POLRMT: variants seen among roughly 807,000 people sequenced by gnomAD.
POLRMT encodes RNA polymerase mitochondrial.
Under a neutral mutation model 132.2 loss-of-function variants are expected in POLRMT, and 114 were observed. The observed-to-expected ratio is 0.86, with a 90% confidence interval of 0.74 to 1.01. POLRMT has a LOEUF of 1.01. POLRMT is among the 50% of genes least tolerant of loss of function. The pLI, the probability that POLRMT is intolerant of heterozygous loss-of-function variation, is 0.00. For missense variants in POLRMT, 2,003 were observed against 1,729.1 expected, an observed-to-expected ratio of 1.16 and a Z score of -2.81; for synonymous variants, 1,020 against 773.4, an observed-to-expected ratio of 1.32 and a Z score of -5.29.
chr19:622,085 C>T (rs1049328835), intron 9 of POLRMT, 64 bp downstream of exon 9: 11 of 1,429,070 alleles, frequency 7.7e-6, no homozygotes, highest in Non-Finnish European at 1.0e-5. Context: ...AAGGCGCCAA[C>T]CCCATGGGGT....
At chr19:631,761 G>C (rs1985436348) in intron 2 of POLRMT, among the ~76,000 whole-genome samples, 1 of 152,146 alleles carries the variant, frequency 6.6e-6, no homozygotes, top group Non-Finnish European at 1.5e-5. Flanking sequence ...TTTTGTTTTT[G>C]AGATGGAATT....
chr19:621,447 C>G lies in POLRMT; in HGVS notation c.2251G>C (p.Ala751Pro), dbSNP rs774082417. The G allele has an allele frequency of 6.4e-6, 9 of 1,395,914 alleles. No homozygotes were observed. In the African/African-American group the frequency reaches 1.2e-4, roughly 19 times the overall value. 86.5% of individuals were successfully genotyped at this position (1,395,914 alleles called of 1,614,324 possible). A position where few individuals can be genotyped will look rare whatever the true frequency, so the allele number is the denominator to read the frequency against. ...CGCAGCTCGGCCTTGCGGGCGGGCG[C>G]GGCGCTGTGCGGCAGGTGGGCCTCG... The part of the protein sequence containing the change: ...PPEAHLPHSA[A>P]PARKAELRRE... Residue 751 changes from alanine (A) to proline (P), a missense_variant, in exon 10 of 21, where the codon GCG (alanine) becomes CCG (proline). Ala to Pro is a conservative substitution (Grantham distance 27). Coordinates refer to ENST00000588649, the MANE Select transcript of POLRMT (RefSeq NM_005035.4).
rs1555674542 is a variant in POLRMT at position 619,552 on chromosome 19, C to T, written c.3066+34G>A. ...GTCTGAGTTTTAAATGGCAGTGAAA[C>T]CAACGTGTTCGCAGCGCGACATGCC... On this transcript the variant is annotated intron_variant, in intron 13 of 20. Coordinates refer to ENST00000588649, the MANE Select transcript of POLRMT (RefSeq NM_005035.4). The T allele has an allele frequency of 3.1e-6, 5 of 1,609,716 alleles. No homozygotes were observed. The South Asian group carries it at 5.5e-5, about 18-fold the overall frequency.
At chr19:630,741 G>A (rs73503951) in intron 2 of POLRMT, among the ~76,000 whole-genome samples, 203 of 152,300 alleles carry the variant, frequency 1.3e-3, no homozygotes, top group African/African-American at 4.8e-3. Flanking sequence ...TGTCTACACC[G>A]GTGGACGCTG....
chr19:629,805 G>C lies in POLRMT; in HGVS notation c.557C>G (p.Pro186Arg). 6.3e-7 allele frequency: 1 copy of C among 1,584,428 alleles called. No homozygotes were observed. Among genetic ancestry groups the C allele is most frequent in the Non-Finnish European group, 8.6e-7 (1 of 1,166,314 alleles). The change falls in exon 3 of 21, where the codon CCC becomes CGC. Residue 186 changes from proline (P) to arginine (R), a missense_variant. Transcript: ENST00000588649. ...CAGCCGGGCCAGCTGCTCCTCCCAG[G>C]GGCTCTCGGGGGCCTGGCGCGTGCA... ...EDCTRQAPES[P>R]WEEQLARLLQ...
In POLRMT at chr19:633,504, T is replaced by C. The variant is rs1985582084; in HGVS notation, c.9A>G (p.Ala3=). 3 of 1,143,832 alleles carry C rather than the reference T, an allele frequency of 2.6e-6. No homozygotes were observed. Among genetic ancestry groups the C allele is most frequent in the Non-Finnish European group, 3.7e-6 (3 of 817,614 alleles). The allele number at this position is 1,143,832 out of a possible 1,614,324, so 70.9% of individuals were successfully genotyped here. Residue 3 remains alanine, a synonymous_variant, in exon 1 of 21, where the codon GCA becomes GCG. Transcript: ENST00000588649. ...CCGCCGCTCCGCGGCCCCAGCAAAG[T>C]GCCGACATTACGCACGCCGCTCCAG... MS[A]LCWGRGAAGL... is the part of the protein sequence containing the mutation.
chr19:620,876 G>T (rs1227560711), intron 10 of POLRMT, among the ~76,000 whole-genome samples, 182 bp downstream of exon 10: 1 of 78,008 alleles, frequency 1.3e-5, no homozygotes. Flanking sequence ...GAGCGGGCGG[G>T]GGACGTGGGG....
At chr19:620,598 A>G (rs1368518758) in intron 10 of POLRMT, 111 bp from the exon 11 acceptor site, 84 of 1,302,652 alleles carry the variant, frequency 6.4e-5, no homozygotes, top group Non-Finnish European at 7.9e-5. Context: ...CACCCGTGAT[A>G]GTGAACACGG....
chr19:624,759 G>A lies in POLRMT; in HGVS notation c.1100C>T (p.Pro367Leu), dbSNP rs374260495. 1.4e-4 allele frequency: 218 copies of A among 1,613,654 alleles called. No homozygotes were observed. Among genetic ancestry groups the A allele is most frequent in the Non-Finnish European group, 1.7e-4 (201 of 1,179,976 alleles). ...CCTGAGCAGCTTGGAGGTGTTGACC[G>A]GGGGCGGCAGCTGCGGCGGGAGGCT... Reference protein sequence around the residue: ...TFSLPPQLPPPVNTSKLLRDV... With the variant: ...TFSLPPQLPPLVNTSKLLRDV... The change falls in exon 5 of 21, where the codon CCG becomes CTG. Residue 367 changes from proline to leucine, a missense_variant. Pro to Leu is a moderately conservative substitution (Grantham distance 98). Transcript: ENST00000588649.
chr19:619,324 T>C lies in POLRMT; in HGVS notation c.3067-28A>G, dbSNP rs760276057. ...GCAGAGGGCGGGCAGCAGGTGCAGG[T>C]CCTCAGGGGCTGGCCCGTTCACGCC... On this transcript the variant is annotated intron_variant, in intron 13 of 20. Transcript: ENST00000588649. 8 of 1,600,294 alleles carry C rather than the reference T, an allele frequency of 5.0e-6. No individual in the cohort carries two copies. The Admixed American group carries it at 5.0e-5, about 10-fold the overall frequency.
chr19:633,355 G>A (rs1985568164), intron 1 of POLRMT, 70 bp downstream of exon 1: 1 of 1,393,078 alleles, frequency 7.2e-7, no homozygotes, highest in East Asian at 3.0e-5. Flanking sequence ...AAGCGCCAAA[G>A]GCCCCGGCCG....
intron 2 of POLRMT, among the ~76,000 whole-genome samples, chr19:630,777 G>A (rs1451251099): frequency 3.3e-5 from 5 of 152,328 alleles, no homozygotes; most frequent in East Asian, 1.9e-4. Flanking sequence ...GGGAAAACGC[G>A]GCTCCTGCTC....
Position 633,529 on chromosome 19 carries a change from G to GGCGCCGCCGCCGCCGCCGCCGCA in POLRMT, c.-18_-17insTGCGGCGGCGGCGGCGGCGGCGC. The GGCGCCGCCGCCGCCGCCGCCGCA allele has an allele frequency of 6.8e-7, 1 of 1,463,692 alleles. No homozygotes were observed. Among genetic ancestry groups the GGCGCCGCCGCCGCCGCCGCCGCA allele is most frequent in the East Asian group, 2.8e-5 (1 of 35,476 alleles). The allele number at this position is 1,463,692 out of a possible 1,614,324, so 90.7% of individuals were successfully genotyped here. On this transcript the variant is annotated 5_prime_UTR_variant, in exon 1 of 21. Transcript: ENST00000588649. The stretch of plus-strand genomic sequence containing the variant: ...TGCCGACATTACGCACGCCGCTCCA[G>GGCGCCGCCGCCGCCGCCGCCGCA]GCCACCCCACCGGCCCGCGCCTGCG...
At position 621,853 on chromosome 19, in the gene POLRMT, T is replaced by C. The variant is rs374449893; in HGVS notation, c.1852-7A>G. The C allele has an allele frequency of 1.9e-5, 31 of 1,601,046 alleles. No homozygotes were observed. The highest frequency in any genetic ancestry group is 2.3e-5 in the Non-Finnish European group (27 of 1,179,660). On this transcript the variant is annotated splice_polypyrimidine_tract_variant and splice_region_variant and intron_variant, in intron 9 of 20. Coordinates refer to ENST00000588649, the MANE Select transcript of POLRMT (RefSeq NM_005035.4). ...GCGGCTTCAGGATGCCGATCTGGGG[T>C]GCGACAGGCAGACGGGTCAGGGCCC...
intron 4 of POLRMT, 85 bp downstream of exon 4, chr19:625,039 C>T: frequency 6.6e-7 from 1 of 1,526,410 alleles, no homozygotes. Flanking sequence ...TGGGGGTCCC[C>T]AGCCCCCAGC....
rs1451444720 is a variant in POLRMT, at chr19:622,856, G to A, written c.1420C>T (p.Leu474=). 5 of 1,606,246 alleles carry A rather than the reference G, an allele frequency of 3.1e-6. No homozygotes were observed. The highest frequency in any genetic ancestry group is 4.2e-6 in the Non-Finnish European group (5 of 1,176,810). ...RFSLYPFLCL[L]DEREVVRMLL... ...ATCCGCACCACCTCGCGCTCGTCCA[G>A]CAGGCACAGGAAGGGGTAAAGTGAG... The change falls in exon 7 of 21, where the codon CTG becomes TTG. Residue 474 remains leucine (L), a synonymous_variant. Transcript: ENST00000588649.
intron 13 of POLRMT, 66 bp from the exon 14 acceptor site, chr19:619,362 A>G (rs1984311029): frequency 3.9e-6 from 6 of 1,534,186 alleles, no homozygotes; most frequent in South Asian, 2.2e-5. Context: ...ACTCCCCCCT[A>G]TTTCAGAGCC....
At chr19:632,540 G>T (rs1402421199) in intron 2 of POLRMT, among the ~76,000 whole-genome samples, 1 of 142,916 alleles carries the variant, frequency 7.0e-6, no homozygotes, top group African/African-American at 2.5e-5. Context: ...CGGGGCCGGG[G>T]GGGGGGTCTC....
In POLRMT at chr19:617,230, T is replaced by A. The variant is rs573413293; in HGVS notation, c.*44A>T. The A allele has an allele frequency of 6.2e-7, 1 of 1,604,110 alleles. No homozygotes were observed. Among genetic ancestry groups the A allele is most frequent in the Non-Finnish European group, 8.5e-7 (1 of 1,174,334 alleles). On this transcript the variant is annotated 3_prime_UTR_variant, in exon 21 of 21. Transcript: ENST00000588649. ...TCCTGAAGACAGTGGCTCCTGGGGGTGGCAAAAGAGCTTTATTTACACACT... is the reference window on the plus strand; with the variant it reads ...TCCTGAAGACAGTGGCTCCTGGGGGAGGCAAAAGAGCTTTATTTACACACT...
Sources: allele counts gnomAD v4.1 joint callset (sites outside exome capture counted in the v4.1 genomes callset), GRCh38; gene constraint gnomAD v4.1.1; transcripts MANE v1.5; gene names NCBI Gene and HGNC (gene_info 2026-07-23, HGNC 2026-07-21).